Variants in FEZ2 observed in about 807,000 individuals in gnomAD.
FEZ2 encodes the protein fasciculation and elongation protein zeta 2.
In FEZ2, 51 loss-of-function variants were observed where a neutral mutation model predicts 40.4. The ratio of observed to expected loss-of-function variants is 1.26; its 90% CI spans 1.01 to 1.59. The LOEUF (loss-of-function observed/expected upper bound fraction) is 1.59, where lower values mean the gene tolerates loss of function less well. Among genes scored for constraint, FEZ2 ranks in the 40% most tolerant of loss-of-function variants. The probability of loss-of-function intolerance (pLI) is 0.00; values close to 1 mark genes in which losing one functional copy is unlikely to be tolerated. For synonymous variants in FEZ2, 242 were observed against 172.0 expected, an observed-to-expected ratio of 1.41 and a Z score of -3.18; for missense variants, 640 against 438.3, an observed-to-expected ratio of 1.46 and a Z score of -4.11.
At chr2:36,589,233 T>C (rs1365053290) in intron 2 of FEZ2, among the ~76,000 whole-genome samples, 1 of 152,224 alleles carries the variant, frequency 6.6e-6, no homozygotes, top group Non-Finnish European at 1.5e-5. Flanking sequence ...AAGGCAGTGG[T>C]AATTTTAGAG....
chr2:36,561,434 A>T (rs1231502286), intron 5 of FEZ2: 1 of 152,210 alleles, frequency 6.6e-6, no homozygotes, highest in Non-Finnish European at 1.5e-5. Context: ...CGCTTCCTGG[A>T]GAGCAGAGTG....
intron 1 of FEZ2, chr2:36,591,317 T>C: frequency 3.7e-6 from 1 of 267,230 alleles, no homozygotes; most frequent in South Asian, 6.7e-5. Context: ...TTACATGTAT[T>C]AACTCATGTA....
At chr2:36,579,384 G>C (rs1363197773) in intron 4 of FEZ2, among the ~76,000 whole-genome samples, 1 of 152,200 alleles carries the variant, frequency 6.6e-6, no homozygotes, top group Non-Finnish European at 1.5e-5. Flanking sequence ...GTTTGTATCT[G>C]TGTCCCCACC....
chr2:36,581,168 T>C, intron 4 of FEZ2, 122 bp downstream of exon 4: 1 of 985,610 alleles, frequency 1.0e-6, no homozygotes. Flanking sequence ...AACAAAAATG[T>C]AAATTTGGAC....
chr2:36,565,147 A>G (rs983006066), intron 5 of FEZ2, among the ~76,000 whole-genome samples: 5 of 152,176 alleles, frequency 3.3e-5, no homozygotes, highest in Non-Finnish European at 5.9e-5. Context: ...AACCTCACCA[A>G]TATCTCTGAA....
intron 1 of FEZ2, among the ~76,000 whole-genome samples, chr2:36,593,795 T>C (rs1430101346): frequency 6.6e-6 from 1 of 151,862 alleles, no homozygotes; most frequent in Non-Finnish European, 1.5e-5. Context: ...GGGTCCTTGC[T>C]ACTTACGCAA....
At chr2:36,578,210 C>G (rs996583147) in intron 5 of FEZ2, among the ~76,000 whole-genome samples, 6 of 152,196 alleles carry the variant, frequency 3.9e-5, no homozygotes, top group African/African-American at 1.4e-4. Flanking sequence ...TATCACACAA[C>G]TCGTAAGAGT....
rs566019230 is a variant in FEZ2, at chr2:36,577,546, GC to G, written c.903+1050del. Among the ~76,000 whole-genome samples the G allele has an allele frequency of 5.1e-4, 77 of 152,300 alleles. 3 individuals carry two copies. The highest frequency in any genetic ancestry group is 4.8e-3 in the Admixed American group (74 of 15,304). On this transcript the variant is annotated intron_variant, in intron 5 of 7. Coordinates refer to ENST00000405912, the MANE Select transcript of FEZ2 (RefSeq NM_005102.3). ...TGGGATTACAGGCGCGAGCCACCGT[GC>G]CCAGCCACGATGTCCTTTCAAAATA...
intron 5 of FEZ2, among the ~76,000 whole-genome samples, chr2:36,578,090 T>C (rs1465286943): frequency 2.6e-5 from 4 of 152,232 alleles, no homozygotes; most frequent in East Asian, 1.9e-4. Flanking sequence ...CTGATGTCAC[T>C]TACCTTCTTG....
intron 7 of FEZ2, among the ~76,000 whole-genome samples, chr2:36,555,017 C>G (rs1025081043): frequency 2.6e-5 from 4 of 152,086 alleles, no homozygotes; most frequent in Non-Finnish European, 5.9e-5. Flanking sequence ...ATTAATTTTG[C>G]CTCTAATTAA....
At position 36,598,068 on chromosome 2, in the gene FEZ2, G is replaced by T; in HGVS notation, c.75C>A (p.Asn25Lys). 1 of 1,485,300 alleles carries T rather than the reference G, an allele frequency of 6.7e-7. No homozygotes were observed. The highest frequency in any genetic ancestry group is 2.9e-5 in the East Asian group (1 of 34,786). 92.0% of individuals were successfully genotyped at this position (1,485,300 alleles called of 1,614,324 possible). A position where few individuals can be genotyped will look rare whatever the true frequency, so the allele number is the denominator to read the frequency against. ...EPARSLLDQENCNASPEPGAE... is the reference protein window; with the variant it reads ...EPARSLLDQEKCNASPEPGAE... Reference sequence around the variant, plus strand: ...CCCCAGGCTCGGGGCTCGCGTTACAGTTCTCCTGGTCCAGGAGGCTCCGGG... The same window carrying T: ...CCCCAGGCTCGGGGCTCGCGTTACATTTCTCCTGGTCCAGGAGGCTCCGGG... Residue 25 changes from asparagine (N) to lysine (K), a missense_variant, in exon 1 of 8, where the codon AAC (asparagine) becomes AAA (lysine). Physicochemically the swap from Asn to Lys is moderately conservative, Grantham distance 94. Transcript: ENST00000405912.
chr2:36,555,917 A>G (rs192451451), intron 6 of FEZ2, 169 bp from the exon 7 acceptor site: 491 of 677,694 alleles, frequency 7.2e-4, no homozygotes, highest in Non-Finnish European at 1.2e-3. Flanking sequence ...AAGGCCCAAT[A>G]ATTTATTTTA....
intron 5 of FEZ2, 31 bp downstream of exon 5, chr2:36,578,566 T>A: frequency 1.3e-6 from 2 of 1,589,320 alleles, no homozygotes; most frequent in Non-Finnish European, 1.7e-6. Flanking sequence ...CTGTTTCCAG[T>A]GTTCGACGCC....
chr2:36,575,487 T>C (rs1435533838), intron 5 of FEZ2, among the ~76,000 whole-genome samples: 1 of 152,202 alleles, frequency 6.6e-6, no homozygotes, highest in African/African-American at 2.4e-5. Flanking sequence ...TCCTGCCCAC[T>C]GTATCTTGAA....
At chr2:36,566,684 A>G (rs1668250342) in intron 5 of FEZ2, among the ~76,000 whole-genome samples, 1 of 152,222 alleles carries the variant, frequency 6.6e-6, no homozygotes. Context: ...CTTAGAATCA[A>G]GAAATTTTTA....
chr2:36,592,965 G>A (rs1358983556), intron 1 of FEZ2, among the ~76,000 whole-genome samples: 1 of 152,190 alleles, frequency 6.6e-6, no homozygotes, highest in Non-Finnish European at 1.5e-5. Context: ...CTCCTCTAAT[G>A]CCAGTGAAGT....
chr2:36,576,636 T>C (rs1214356547), intron 5 of FEZ2, among the ~76,000 whole-genome samples: 2 of 152,248 alleles, frequency 1.3e-5, no homozygotes, highest in Non-Finnish European at 2.9e-5. Context: ...ATTACTGAAC[T>C]GATTAAAATT....
chr2:36,570,382 T>A, intron 5 of FEZ2, among the ~76,000 whole-genome samples: 1 of 152,308 alleles, frequency 6.6e-6, no homozygotes, highest in East Asian at 1.9e-4. Context: ...AATAATTTAA[T>A]TTTTATCTTT....
chr2:36,586,863 T>C (rs1668915330), intron 2 of FEZ2, among the ~76,000 whole-genome samples: 1 of 152,168 alleles, frequency 6.6e-6, no homozygotes, highest in Non-Finnish European at 1.5e-5. Flanking sequence ...GGAAGATCGC[T>C]TAAGCCCAGG....
Sources: allele counts gnomAD v4.1 joint callset (sites outside exome capture counted in the v4.1 genomes callset), GRCh38; gene constraint gnomAD v4.1.1; transcripts MANE v1.5; gene names NCBI Gene and HGNC (gene_info 2026-07-23, HGNC 2026-07-21).